The following INTS9 variants were observed in gnomAD, a reference collection of about 807,000 sequenced individuals.
The protein encoded by INTS9 is protein related to CPSF subunits of 74 kDa.
A neutral mutation model predicts 79.7 loss-of-function variants in INTS9; 55 were observed. That is an observed-to-expected ratio of 0.69 (90% CI 0.56 to 0.86). The LOEUF (loss-of-function observed/expected upper bound fraction) is 0.86, where lower values mean the gene tolerates loss of function less well. Among genes scored for constraint, INTS9 ranks in the 40% least tolerant of loss-of-function variants. INTS9 has a pLI of 0.00. For missense variants in INTS9, 721 were observed against 831.5 expected, an observed-to-expected ratio of 0.87 and a Z score of 1.64; for synonymous variants, 319 against 325.2, an observed-to-expected ratio of 0.98 and a Z score of 0.20.
rs374920933 is a variant in INTS9 at position 28,857,668 on chromosome 8, T to C, written c.137+1768A>G. ...TGACGAGTATGGAATACAGAGAAGA[T>C]AAAGCAATTCATTCATACAACAAAT... On this transcript the variant is annotated intron_variant, in intron 2 of 16. Coordinates refer to ENST00000521022, the MANE Select transcript of INTS9 (RefSeq NM_018250.4). Among the ~76,000 whole-genome samples the C allele has an allele frequency of 1.8e-4, 28 of 152,270 alleles. No individual in the cohort carries two copies. In the South Asian group the frequency reaches 5.4e-3, roughly 29 times the overall value.
rs980677998 is a variant in INTS9 at position 28,859,990 on chromosome 8, T to C, written c.10-427A>G. On this transcript the variant is annotated intron_variant, in intron 1 of 16. Coordinates refer to ENST00000521022, the MANE Select transcript of INTS9 (RefSeq NM_018250.4). Reference sequence around the variant, plus strand: ...CTCTAGGTATGGTTTTCTCCCTTTGTAAATAAGTGACCTTCCTCAAAGAGG... The same window carrying C: ...CTCTAGGTATGGTTTTCTCCCTTTGCAAATAAGTGACCTTCCTCAAAGAGG... Among the ~76,000 whole-genome samples, 7 of 152,116 alleles carry C rather than the reference T, an allele frequency of 4.6e-5. 1 individual carries two copies. Among genetic ancestry groups the C allele is most frequent in the Admixed American group, 4.6e-4 (7 of 15,280 alleles).
chr8:28,818,973 G>T (rs1049679614), intron 6 of INTS9, among the ~76,000 whole-genome samples: 17 of 152,150 alleles, frequency 1.1e-4, no homozygotes, highest in Non-Finnish European at 1.9e-4. Context: ...ATGGTAGTTT[G>T]TATTTCTGTG....
intron 11 of INTS9, 121 bp downstream of exon 11, chr8:28,787,708 G>A: frequency 3.6e-6 from 2 of 552,548 alleles, no homozygotes; most frequent in Non-Finnish European, 6.5e-6. Flanking sequence ...TCTGACTTGG[G>A]AGGCAAAGGG....
intron 6 of INTS9, among the ~76,000 whole-genome samples, chr8:28,827,804 A>G (rs1184623750): frequency 6.6e-6 from 1 of 152,188 alleles, no homozygotes; most frequent in Non-Finnish European, 1.5e-5. Context: ...TCATGGAAAA[A>G]TTTCTTATCC....
intron 1 of INTS9, among the ~76,000 whole-genome samples, chr8:28,864,012 A>C (rs1021272879): frequency 1.3e-5 from 2 of 152,160 alleles, no homozygotes; most frequent in Admixed American, 6.5e-5. Context: ...AGTTATACTT[A>C]GTGTATATAT....
intron 1 of INTS9, among the ~76,000 whole-genome samples, chr8:28,888,958 C>T (rs1810377157): frequency 6.6e-6 from 1 of 151,692 alleles, no homozygotes; most frequent in Non-Finnish European, 1.5e-5. Context: ...GGCTGGAGTG[C>T]AGTGGCGCGA....
intron 1 of INTS9, among the ~76,000 whole-genome samples, chr8:28,872,725 T>C (rs1242107495): frequency 6.6e-6 from 1 of 152,154 alleles, no homozygotes. Context: ...AGCTACAAGC[T>C]ATCAGGAGAG....
chr8:28,870,177 G>A (rs915321961), intron 1 of INTS9, among the ~76,000 whole-genome samples: 1 of 151,896 alleles, frequency 6.6e-6, no homozygotes, highest in African/African-American at 2.4e-5. Context: ...ATATATATAT[G>A]TATGTATAAA....
rs1804311185 is a variant in INTS9, at chr8:28,797,873, T to TA, written c.745-1219dup. Among the ~76,000 whole-genome samples, 2 of 152,238 alleles carry TA rather than the reference T, an allele frequency of 1.3e-5. 1 individual carries two copies. The highest frequency in any genetic ancestry group is 4.1e-4 in the South Asian group (2 of 4,832). ...ATTTCGCAGTAAATAAAATTCCAAA[T>TA]AATAGCAAAGTCTCAACATCTGCAT... On this transcript the variant is annotated intron_variant, in intron 8 of 16. Coordinates refer to ENST00000521022, the MANE Select transcript of INTS9 (RefSeq NM_018250.4).
At chr8:28,805,567 G>A (rs776459142) in intron 8 of INTS9, among the ~76,000 whole-genome samples, 2 of 152,048 alleles carry the variant, frequency 1.3e-5, no homozygotes, top group East Asian at 3.9e-4. Flanking sequence ...ATTCACCACC[G>A]TATTATGTAT....
chr8:28,839,177 A>C lies in INTS9; in HGVS notation c.262-1401T>G, dbSNP rs376773757. On this transcript the variant is annotated intron_variant, in intron 4 of 16. Transcript: ENST00000521022. ...ATGTAGAGAGCCAAATCATGAGTGAACTCCCATTCACAATTGCTTCAAAGA... is the reference window on the plus strand; with the variant it reads ...ATGTAGAGAGCCAAATCATGAGTGACCTCCCATTCACAATTGCTTCAAAGA... Among the ~76,000 whole-genome samples the C allele has an allele frequency of 9.9e-5, 15 of 152,176 alleles. No individual in the cohort carries two copies. The South Asian group carries it at 3.1e-3, about 32-fold the overall frequency.
intron 11 of INTS9, among the ~76,000 whole-genome samples, chr8:28,781,243 C>T (rs1461699517): frequency 6.6e-6 from 1 of 152,170 alleles, no homozygotes; most frequent in Non-Finnish European, 1.5e-5. Flanking sequence ...TGAACAGACA[C>T]CTCATCAGAG....
Position 28,835,398 on chromosome 8 carries a change from G to A in INTS9, c.402-20C>T, listed in dbSNP as rs1806752490. On this transcript the variant is annotated intron_variant, in intron 5 of 16. Coordinates refer to ENST00000521022, the MANE Select transcript of INTS9 (RefSeq NM_018250.4). ...AGAAGCCTGAGTTTAAACAAAACAA[G>A]TGAGGAACACCCATTAAAAAATTAG... is the stretch of plus-strand genomic sequence containing the variant. 4 of 1,589,156 alleles carry A rather than the reference G, an allele frequency of 2.5e-6. No homozygotes were observed. Among genetic ancestry groups the A allele is most frequent in the Middle Eastern group, 1.7e-4 (1 of 5,982 alleles).
intron 1 of INTS9, among the ~76,000 whole-genome samples, chr8:28,868,244 G>A (rs1808872208): frequency 6.6e-6 from 1 of 152,148 alleles, no homozygotes; most frequent in Admixed American, 6.5e-5. Context: ...TTATTAAATT[G>A]CCCTGCAATC....
At chr8:28,866,289 A>T (rs1041198906) in intron 1 of INTS9, among the ~76,000 whole-genome samples, 1 of 152,144 alleles carries the variant, frequency 6.6e-6, no homozygotes. Flanking sequence ...AACAATTTGC[A>T]TGGTGAGCTC....
At chr8:28,804,233 C>T (rs970548548) in intron 8 of INTS9, among the ~76,000 whole-genome samples, 25 of 152,132 alleles carry the variant, frequency 1.6e-4, no homozygotes, top group African/African-American at 5.6e-4. Context: ...GCCACACTCC[C>T]AGAATCTAAA....
At position 28,768,005 on chromosome 8, in the gene INTS9, CA is replaced by C. The variant is rs1392349287; in HGVS notation, c.*140del. 2.6e-6 allele frequency: 2 copies of C among 758,248 alleles called. No individual in the cohort carries two copies. Among genetic ancestry groups the C allele is most frequent in the African/African-American group, 3.5e-5 (2 of 57,836 alleles). 47.0% of individuals were successfully genotyped at this position (758,248 alleles called of 1,614,324 possible). A position where few individuals can be genotyped will look rare whatever the true frequency, so the allele number is the denominator to read the frequency against. ...GGGAATAAGTCCAGACCATTTCCCT[CA>C]AGAGCCACCTCTTCACTCCTTAAGC... On this transcript the variant is annotated 3_prime_UTR_variant, in exon 17 of 17. Transcript: ENST00000521022.
At chr8:28,858,887 C>G (rs1326633460) in intron 2 of INTS9, among the ~76,000 whole-genome samples, 1 of 152,172 alleles carries the variant, frequency 6.6e-6, no homozygotes, top group Non-Finnish European at 1.5e-5. Context: ...TAGTAGTATG[C>G]TGGGAAACCA....
At chr8:28,814,189 A>G (rs1805328757) in intron 6 of INTS9, among the ~76,000 whole-genome samples, 1 of 151,922 alleles carries the variant, frequency 6.6e-6, no homozygotes, top group Admixed American at 6.6e-5. Flanking sequence ...CTTCCCTGAC[A>G]TTCACTGTAC....
Sources: allele counts gnomAD v4.1 joint callset (sites outside exome capture counted in the v4.1 genomes callset), GRCh38; gene constraint gnomAD v4.1.1; transcripts MANE v1.5; gene names NCBI Gene and HGNC (gene_info 2026-07-23, HGNC 2026-07-21).